The following RASGRF2 variants were observed in gnomAD, a reference collection of about 807,000 sequenced individuals.
The protein encoded by RASGRF2 is ras-specific guanine nucleotide-releasing factor 2.
RASGRF2 carries 76 observed loss-of-function variants against 151.0 expected under a neutral mutation model. The ratio of observed to expected loss-of-function variants is 0.50; its 90% CI spans 0.42 to 0.61. RASGRF2 has a LOEUF of 0.61. RASGRF2 is among the 20% of genes least tolerant of loss of function. The probability of loss-of-function intolerance (pLI) is 0.00; values close to 1 mark genes in which losing one functional copy is unlikely to be tolerated. For synonymous variants in RASGRF2, 504 were observed against 566.5 expected (o/e 0.89, Z 1.57); for missense variants, 1,148 against 1,564.6 (o/e 0.73, Z 4.49).
At chr5:81,056,435 G>A (rs1751214449) in intron 2 of RASGRF2, among the ~76,000 whole-genome samples, 1 of 152,200 alleles carries the variant, frequency 6.6e-6, no homozygotes, top group African/African-American at 2.4e-5. Flanking sequence ...TAGTTGAGCG[G>A]TTTTGAGTGA....
chr5:81,069,637 G>A (rs1751714295), intron 3 of RASGRF2, among the ~76,000 whole-genome samples: 1 of 152,194 alleles, frequency 6.6e-6, no homozygotes, highest in Non-Finnish European at 1.5e-5. Flanking sequence ...CTTGACAGGA[G>A]CCATAATTTA....
chr5:81,153,957 TA>T (rs1754197445), intron 17 of RASGRF2, among the ~76,000 whole-genome samples: 1 of 149,806 alleles, frequency 6.7e-6, no homozygotes, highest in Non-Finnish European at 1.5e-5. Flanking sequence ...AAAAACTTAT[TA>T]ACAGCAAAGA....
At chr5:81,034,037 C>T (rs1750372640) in intron 1 of RASGRF2, among the ~76,000 whole-genome samples, 1 of 152,150 alleles carries the variant, frequency 6.6e-6, no homozygotes, top group South Asian at 2.1e-4. Flanking sequence ...AGCCAACAGA[C>T]ACATGAAAAA....
At chr5:81,057,628 AT>A (rs1386869657) in intron 2 of RASGRF2, among the ~76,000 whole-genome samples, 2 of 152,186 alleles carry the variant, frequency 1.3e-5, no homozygotes, top group Non-Finnish European at 2.9e-5. Context: ...GCATTGTATC[AT>A]GATAAAATCA....
At chr5:81,039,036 T>G (rs1750599048) in intron 1 of RASGRF2, among the ~76,000 whole-genome samples, 1 of 152,214 alleles carries the variant, frequency 6.6e-6, no homozygotes, top group Non-Finnish European at 1.5e-5. Flanking sequence ...TTGGGCTTTG[T>G]GTCTTGTTTA....
rs77051558 is a variant in RASGRF2, at chr5:81,091,460, A to G, written c.1391-1341A>G. ...CCTCACCCAGGACTTCTTCCTTGCT[A>G]TTCTTTAGGCCCAGAATAGCTGCCT... On this transcript the variant is annotated intron_variant, in intron 9 of 26. Transcript: ENST00000265080. 6.3e-3 allele frequency among the ~76,000 whole-genome samples: 959 copies of G among 152,078 alleles called. 7 individuals are homozygous for G. The highest frequency in any genetic ancestry group is 0.011 in the Non-Finnish European group (750 of 67,992).
chr5:81,205,139 A>G (rs1482166572), intron 19 of RASGRF2, among the ~76,000 whole-genome samples: 1 of 152,260 alleles, frequency 6.6e-6, no homozygotes, highest in African/African-American at 2.4e-5. Flanking sequence ...CCTTTAAGAT[A>G]AAATGACTAT....
At chr5:81,127,468 A>T (rs1231521382) in intron 17 of RASGRF2, among the ~76,000 whole-genome samples, 5 of 152,210 alleles carry the variant, frequency 3.3e-5, no homozygotes, top group Middle Eastern at 6.8e-3. Context: ...GGCTACAGTG[A>T]GCTGTGATCA....
chr5:81,026,380 C>T (rs1174808531), intron 1 of RASGRF2, among the ~76,000 whole-genome samples: 1 of 151,998 alleles, frequency 6.6e-6, no homozygotes, highest in Non-Finnish European at 1.5e-5. Flanking sequence ...CAATGTGTCC[C>T]CCAAGGAGCC....
At chr5:81,031,261 G>C (rs543367158) in intron 1 of RASGRF2, among the ~76,000 whole-genome samples, 2 of 152,198 alleles carry the variant, frequency 1.3e-5, no homozygotes, top group South Asian at 2.1e-4. Flanking sequence ...AGTTAACAAG[G>C]ATATCCAGGA....
intron 7 of RASGRF2, among the ~76,000 whole-genome samples, chr5:81,082,269 T>C (rs865933170): frequency 1.3e-5 from 2 of 152,202 alleles, no homozygotes; most frequent in African/African-American, 4.8e-5. Context: ...TCGCTGTAGA[T>C]GAGGTGTCCA....
chr5:81,030,991 G>T lies in RASGRF2; in HGVS notation c.289-11886G>T, dbSNP rs185593850. 3.9e-4 allele frequency among the ~76,000 whole-genome samples: 60 copies of T among 152,250 alleles called. No homozygotes were observed. In the East Asian group the frequency reaches 6.2e-3, roughly 16 times the overall value. On this transcript the variant is annotated intron_variant, in intron 1 of 26. Coordinates refer to ENST00000265080, the MANE Select transcript of RASGRF2 (RefSeq NM_006909.3). ...AAATGGAAAACAAAAAAAGGCAGGG[G>T]TTGCAATCCTAGTCTCTGATAAAAC...
intron 1 of RASGRF2, among the ~76,000 whole-genome samples, chr5:80,973,928 G>A (rs1226135702): frequency 6.6e-6 from 1 of 152,210 alleles, no homozygotes; most frequent in Non-Finnish European, 1.5e-5. Flanking sequence ...ATCCGAAAAG[G>A]TATCAACAGT....
rs761849535 is a variant in RASGRF2 at position 81,206,867 on chromosome 5, G to T, written c.2929G>T (p.Asp977Tyr). 6.2e-7 allele frequency: 1 copy of T among 1,611,150 alleles called. No homozygotes were observed. The highest frequency in any genetic ancestry group is 1.1e-5 in the South Asian group (1 of 91,022). ...ILRALSQDDQ[D>Y]DIHLKLEDII... ...CAGGGCCCTTTCACAAGATGACCAAGATGACATCCACCTAAAATTAGAGGA... is the reference window on the plus strand; with the variant it reads ...CAGGGCCCTTTCACAAGATGACCAATATGACATCCACCTAAAATTAGAGGA... The change falls in exon 20 of 27, where the codon GAT becomes TAT. Residue 977 changes from aspartate to tyrosine, a missense_variant. Physicochemically the swap from Asp to Tyr is radical, Grantham distance 160. This residue lies in a region of RASGRF2 where 646 missense variants were observed against 807.4 expected (regional missense o/e 0.80). Coordinates refer to ENST00000265080, the MANE Select transcript of RASGRF2 (RefSeq NM_006909.3).
chr5:81,225,837 C>T lies in RASGRF2; in HGVS notation c.*67C>T. ...AGCAGGACAGACAGAATTGTGTATG[C>T]CTTGCCTATCACGGTACAGCACGAA... On this transcript the variant is annotated 3_prime_UTR_variant, in exon 27 of 27. Coordinates refer to ENST00000265080, the MANE Select transcript of RASGRF2 (RefSeq NM_006909.3). 5 of 1,537,164 alleles carry T rather than the reference C, an allele frequency of 3.3e-6. No individual in the cohort carries two copies. Among genetic ancestry groups the T allele is most frequent in the Admixed American group, 2.0e-5 (1 of 49,900 alleles).
chr5:81,185,027 A>G, intron 18 of RASGRF2, among the ~76,000 whole-genome samples: 1 of 152,254 alleles, frequency 6.6e-6, no homozygotes, highest in East Asian at 1.9e-4. Context: ...AGGTAGCAGC[A>G]ACAGCCTGCA....
rs1748850827 is a variant in RASGRF2, at chr5:80,996,107, A to G, written c.288+35081A>G. ...CCTCCTCCCTATAGTTATTAGTTAA[A>G]TCACTATTTTTTATTGCCTCTTTTG... On this transcript the variant is annotated intron_variant, in intron 1 of 26. Coordinates refer to ENST00000265080, the MANE Select transcript of RASGRF2 (RefSeq NM_006909.3). Among the ~76,000 whole-genome samples, 3 of 151,194 alleles carry G rather than the reference A, an allele frequency of 2.0e-5. No individual in the cohort carries two copies. The South Asian group carries it at 6.3e-4, about 32-fold the overall frequency.
chr5:81,184,553 G>A (rs6453541), intron 18 of RASGRF2, among the ~76,000 whole-genome samples: 127,959 of 152,222 alleles, frequency 0.84, 54,415 homozygotes, highest in African/African-American at 0.96. Context: ...CTGGTAAAAG[G>A]GCTGCAGCTG....
At chr5:81,207,184 C>T (rs1755526741) in intron 20 of RASGRF2, 62 bp from the exon 21 acceptor site, 1 of 1,386,808 alleles carries the variant, frequency 7.2e-7, no homozygotes, top group Non-Finnish European at 1.0e-6. Context: ...CCTCACTGAC[C>T]TGCAATGAGA....
Sources: gnomAD v4.1 joint callset for allele counts (sites outside exome capture counted in the v4.1 genomes callset) on GRCh38, gnomAD v4.1.1 for gene constraint, gnomAD v4.1.1 regional missense constraint, MANE v1.5 for transcripts, NCBI Gene and HGNC (gene_info 2026-07-23, HGNC 2026-07-21) for gene names.